Variants in PTPRD observed in about 807,000 individuals in gnomAD.
The protein encoded by PTPRD is protein tyrosine phosphatase receptor type D, also known as receptor-type tyrosine-protein phosphatase delta.
PTPRD carries 34 observed loss-of-function variants against 214.5 expected under a neutral mutation model. That is an observed-to-expected ratio of 0.16 (90% CI 0.12 to 0.21). The LOEUF (loss-of-function observed/expected upper bound fraction) is 0.21, where lower values mean the gene tolerates loss of function less well. PTPRD is among the 10% of genes least tolerant of loss of function. The pLI, the probability that PTPRD is intolerant of heterozygous loss-of-function variation, is 1.00. For missense variants in PTPRD, 2,545 were observed against 2,398.7 expected (o/e 1.06, Z -1.27); for synonymous variants, 1,128 against 845.7 (o/e 1.33, Z -5.79).
chr9:9,831,971 A>T (rs182788149), intron 5 of PTPRD, among the ~76,000 whole-genome samples: 74 of 152,146 alleles, frequency 4.9e-4, no homozygotes, highest in Admixed American at 1.1e-3. Context: ...AATGTCAGAC[A>T]TTACTGGGTA....
At chr9:8,635,266 T>C (rs2096394461) in intron 13 of PTPRD, among the ~76,000 whole-genome samples, 1 of 151,488 alleles carries the variant, frequency 6.6e-6, no homozygotes, top group African/African-American at 2.4e-5. Flanking sequence ...TCACTTTTGT[T>C]ACATGATTTT....
intron 9 of PTPRD, among the ~76,000 whole-genome samples, chr9:9,307,805 C>G (rs1405987587): frequency 6.6e-6 from 1 of 152,120 alleles, no homozygotes; most frequent in Non-Finnish European, 1.5e-5. Flanking sequence ...GTTAATTGAC[C>G]AGTATCATCT....
Position 8,499,686 on chromosome 9 carries a change from G to T in PTPRD, c.2283C>A (p.Gly761=), listed in dbSNP as rs1181219212. The change falls in exon 25 of 46, where the codon GGC becomes GGA. Residue 761 remains glycine (G), a synonymous_variant. Coordinates refer to ENST00000381196, the MANE Select transcript of PTPRD (RefSeq NM_002839.4). The part of the protein sequence containing the change: ...YVRMENGEPK[G]QPMLKDVMLA... Reference sequence around the variant, plus strand: ...GCATGACATCTTTCAGCATGGGCTGGCCCTTGGGCTCACCATTTTCCATCC... The same window carrying T: ...GCATGACATCTTTCAGCATGGGCTGTCCCTTGGGCTCACCATTTTCCATCC... The T allele has an allele frequency of 6.2e-7, 1 of 1,613,800 alleles. No homozygotes were observed. Among genetic ancestry groups the T allele is most frequent in the Non-Finnish European group, 8.5e-7 (1 of 1,179,892 alleles).
At chr9:9,013,491 G>C (rs1048944190) in intron 11 of PTPRD, among the ~76,000 whole-genome samples, 5 of 152,042 alleles carry the variant, frequency 3.3e-5, no homozygotes, top group African/African-American at 1.2e-4. Flanking sequence ...GTGTTTTTTT[G>C]TGTGTTTGTT....
chr9:9,050,575 C>T (rs544606637), intron 10 of PTPRD, among the ~76,000 whole-genome samples: 14 of 152,248 alleles, frequency 9.2e-5, no homozygotes, highest in African/African-American at 3.1e-4. Context: ...ATGAAAAAAT[C>T]TAGCAATAAA....
chr9:9,133,341 C>T (rs1042188707), intron 10 of PTPRD, among the ~76,000 whole-genome samples: 7 of 152,146 alleles, frequency 4.6e-5, no homozygotes, highest in African/African-American at 1.7e-4. Flanking sequence ...TAATAACCTG[C>T]TCCCCGGGGA....
Position 8,331,568 on chromosome 9 carries a change from A to AAATGGAAACTTACCTGCAATG in PTPRD, c.5527_5534+13dup. ...CACCACTTATCACTGCTTTATTCAC[A>AAATGGAAACTTACCTGCAATG]AATGGAAACTTACCTGCAATGGACT... is the stretch of plus-strand genomic sequence containing the variant. On this transcript the variant is annotated intron_variant, in intron 44 of 45. Coordinates refer to ENST00000381196, the MANE Select transcript of PTPRD (RefSeq NM_002839.4). 2 of 859,692 alleles carry AAATGGAAACTTACCTGCAATG rather than the reference A, an allele frequency of 2.3e-6. No homozygotes were observed. The highest frequency in any genetic ancestry group is 3.0e-6 in the Non-Finnish European group (2 of 674,532). 53.3% of individuals were successfully genotyped at this position (859,692 alleles called of 1,614,324 possible).
intron 9 of PTPRD, among the ~76,000 whole-genome samples, chr9:9,324,488 CT>C (rs1968692563): frequency 6.6e-6 from 1 of 152,128 alleles, no homozygotes; most frequent in African/African-American, 2.4e-5. Context: ...TAAATGTCTT[CT>C]TTTGAGAAGT....
At chr9:8,447,875 C>T (rs374671317) in intron 34 of PTPRD, among the ~76,000 whole-genome samples, 2 of 152,108 alleles carry the variant, frequency 1.3e-5, no homozygotes, top group African/African-American at 4.8e-5. Context: ...AAATCTGATC[C>T]GTTTTTCTAT....
intron 5 of PTPRD, among the ~76,000 whole-genome samples, chr9:9,850,583 A>G (rs75626416): frequency 0.012 from 1,878 of 152,126 alleles, 24 homozygotes; most frequent in African/African-American, 0.042. Context: ...AATTGTATAT[A>G]TAGTGTAAAT....
intron 8 of PTPRD, among the ~76,000 whole-genome samples, chr9:9,518,527 A>C (rs1013646776): frequency 6.6e-6 from 1 of 152,088 alleles, no homozygotes; most frequent in Non-Finnish European, 1.5e-5. Flanking sequence ...AGGGTAGGTC[A>C]ATGCAGAAAT....
intron 3 of PTPRD, among the ~76,000 whole-genome samples, chr9:10,266,059 G>A (rs1042496517): frequency 8.6e-5 from 13 of 151,866 alleles, no homozygotes; most frequent in East Asian, 1.9e-4. Context: ...AAAACTTCAC[G>A]CAATACCTTT....
intron 3 of PTPRD, among the ~76,000 whole-genome samples, chr9:10,188,015 C>A (rs1245785564): frequency 1.3e-5 from 2 of 152,086 alleles, no homozygotes; most frequent in African/African-American, 2.4e-5. Context: ...AATTGAGGTC[C>A]AATGCATCTT....
At chr9:10,039,728 T>TA (rs150745766) in intron 3 of PTPRD, among the ~76,000 whole-genome samples, 16,120 of 151,714 alleles carry the variant, frequency 0.11, 949 homozygotes, top group East Asian at 0.14. Flanking sequence ...AAGACTTTTT[T>TA]TTATTATTCT....
intron 11 of PTPRD, among the ~76,000 whole-genome samples, chr9:8,743,067 T>C (rs2092282052): frequency 7.7e-6 from 1 of 129,812 alleles, no homozygotes; most frequent in Non-Finnish European, 1.6e-5. Context: ...AACCCTGTCC[T>C]AGAACAGCTC....
At chr9:9,136,429 T>C (rs892910705) in intron 10 of PTPRD, among the ~76,000 whole-genome samples, 3 of 152,080 alleles carry the variant, frequency 2.0e-5, no homozygotes, top group Admixed American at 6.6e-5. Context: ...CACTTTCAAA[T>C]CATCATCTGA....
intron 4 of PTPRD, among the ~76,000 whole-genome samples, chr9:10,020,350 G>A (rs1262593030): frequency 6.7e-6 from 1 of 150,284 alleles, no homozygotes; most frequent in African/African-American, 2.5e-5. Context: ...TCACCAGGCT[G>A]GAGTGCAGTG....
At chr9:10,194,793 T>C (rs294858) in intron 3 of PTPRD, among the ~76,000 whole-genome samples, 118,410 of 152,002 alleles carry the variant, frequency 0.78, 47,166 homozygotes, top group East Asian at 0.97. Context: ...CTGACATTTA[T>C]TAAAGGCTTA....
intron 39 of PTPRD, among the ~76,000 whole-genome samples, chr9:8,368,420 G>A (rs1010604279): frequency 3.3e-5 from 5 of 152,120 alleles, no homozygotes; most frequent in African/African-American, 1.2e-4. Context: ...AATGGGAACA[G>A]GATTGGTGAT....
Sources: gnomAD v4.1 joint callset for allele counts (sites outside exome capture counted in the v4.1 genomes callset) on GRCh38, gnomAD v4.1.1 for gene constraint, MANE v1.5 for transcripts, NCBI Gene and HGNC (gene_info 2026-07-23, HGNC 2026-07-21) for gene names.